Variants in ADAMTS3 observed in about 807,000 individuals in gnomAD.
ADAMTS3 encodes A disintegrin and metalloproteinase with thrombospondin motifs 3.
ADAMTS3 carries 73 observed loss-of-function variants against 129.0 expected under a neutral mutation model. That is an observed-to-expected ratio of 0.57 (90% CI 0.47 to 0.69). ADAMTS3 has a LOEUF of 0.69. Ranked by LOEUF, ADAMTS3 falls within the 30% of genes least tolerant of loss-of-function variation. The pLI, the probability that ADAMTS3 is intolerant of heterozygous loss-of-function variation, is 0.00. For missense variants in ADAMTS3, 1,457 were observed against 1,514.5 expected (o/e 0.96, Z 0.63); for synonymous variants, 477 against 510.8 (o/e 0.93, Z 0.89).
At chr4:72,320,599 G>A in intron 7 of ADAMTS3, 115 bp downstream of exon 7, 2 of 1,070,140 alleles carry the variant, frequency 1.9e-6, no homozygotes, top group Non-Finnish European at 2.7e-6. Context: ...TGCTTGGCCG[G>A]TGTGTGGTGG....
chr4:72,394,304 T>C (rs1721672549), intron 4 of ADAMTS3, among the ~76,000 whole-genome samples: 1 of 151,820 alleles, frequency 6.6e-6, no homozygotes, highest in South Asian at 2.1e-4. Flanking sequence ...TTTGCATCTG[T>C]TTAAATTTTT....
At chr4:72,450,847 A>G (rs1421497552) in intron 3 of ADAMTS3, among the ~76,000 whole-genome samples, 1 of 151,392 alleles carries the variant, frequency 6.6e-6, no homozygotes, top group Non-Finnish European at 1.5e-5. Context: ...CAGCATACCA[A>G]TGATTCCACA....
At chr4:72,361,360 G>A (rs1720723032) in intron 4 of ADAMTS3, among the ~76,000 whole-genome samples, 1 of 152,014 alleles carries the variant, frequency 6.6e-6, no homozygotes, top group African/African-American at 2.4e-5. Flanking sequence ...CTCATAATAT[G>A]TCTTACAAAA....
intron 2 of ADAMTS3, among the ~76,000 whole-genome samples, chr4:72,556,681 G>A (rs145604263): frequency 0.012 from 1,753 of 151,838 alleles, 15 homozygotes; most frequent in Middle Eastern, 0.021. Context: ...ACTGATGCAC[G>A]CTTTGGCATC....
chr4:72,423,594 A>G (rs916162811), intron 3 of ADAMTS3, among the ~76,000 whole-genome samples: 2 of 151,748 alleles, frequency 1.3e-5, no homozygotes, highest in East Asian at 3.9e-4. Flanking sequence ...TTTAGGGTAC[A>G]TGTGCACAAC....
chr4:72,298,507 C>A, intron 17 of ADAMTS3, 65 bp from the exon 18 acceptor site: 1 of 1,265,346 alleles, frequency 7.9e-7, no homozygotes, highest in Non-Finnish European at 1.1e-6. Context: ...TGTAAAATTA[C>A]AAATATTTCA....
intron 3 of ADAMTS3, among the ~76,000 whole-genome samples, chr4:72,477,280 C>T (rs1218397803): frequency 6.6e-6 from 1 of 152,124 alleles, no homozygotes. Flanking sequence ...AAACTGACCA[C>T]ACAGTTGGAA....
chr4:72,535,249 T>C (rs995287985), intron 3 of ADAMTS3, among the ~76,000 whole-genome samples: 12 of 152,094 alleles, frequency 7.9e-5, no homozygotes, highest in African/African-American at 2.9e-4. Context: ...ACCCCAAGAG[T>C]CCAATCACTA....
intron 3 of ADAMTS3, among the ~76,000 whole-genome samples, chr4:72,443,972 A>G (rs1379347620): frequency 1.3e-5 from 2 of 151,708 alleles, no homozygotes; most frequent in East Asian, 3.9e-4. Flanking sequence ...TGGGGCCAAA[A>G]TAAACAGACA....
At chr4:72,563,568 C>T (rs1287989518) in intron 2 of ADAMTS3, among the ~76,000 whole-genome samples, 2 of 152,120 alleles carry the variant, frequency 1.3e-5, no homozygotes, top group East Asian at 1.9e-4. Context: ...TTACCAAATA[C>T]TTATTGAGTA....
Position 72,311,112 on chromosome 4 carries a change from A to T in ADAMTS3, c.1991T>A (p.Val664Glu). The change falls in exon 14 of 22, where the codon GTG becomes GAG. Residue 664 changes from valine (V) to glutamate (E), a missense_variant. Val to Glu is a moderately radical substitution (Grantham distance 121). Coordinates refer to ENST00000286657, the MANE Select transcript of ADAMTS3 (RefSeq NM_014243.3). ...TGDVAYMKQLVHDGTHCSYKD... is the reference protein window; with the variant it reads ...TGDVAYMKQLEHDGTHCSYKD... Reference sequence around the variant, plus strand: ...GTAAGAACAGTGCGTTCCATCATGCACCAGTTGTTTCATGTAAGCAACATC... The same window carrying T: ...GTAAGAACAGTGCGTTCCATCATGCTCCAGTTGTTTCATGTAAGCAACATC... 2 of 1,612,782 alleles carry T rather than the reference A, an allele frequency of 1.2e-6. No individual in the cohort carries two copies. The highest frequency in any genetic ancestry group is 1.7e-6 in the Non-Finnish European group (2 of 1,179,110).
intron 3 of ADAMTS3, among the ~76,000 whole-genome samples, chr4:72,479,824 C>T (rs1719374610): frequency 6.6e-6 from 1 of 152,172 alleles, no homozygotes; most frequent in Non-Finnish European, 1.5e-5. Context: ...CCAGAATCTA[C>T]AATGAACTCA....
At chr4:72,473,820 C>A (rs141683460) in intron 3 of ADAMTS3, among the ~76,000 whole-genome samples, 8 of 152,324 alleles carry the variant, frequency 5.3e-5, no homozygotes, top group African/African-American at 1.7e-4. Flanking sequence ...TTCCCCTCCC[C>A]ACTGGGGTGG....
intron 3 of ADAMTS3, among the ~76,000 whole-genome samples, chr4:72,536,079 A>G (rs1560557099): frequency 6.6e-6 from 1 of 152,206 alleles, no homozygotes; most frequent in Non-Finnish European, 1.5e-5. Flanking sequence ...AGTGCACTAC[A>G]TGGTGGTCAA....
intron 4 of ADAMTS3, among the ~76,000 whole-genome samples, chr4:72,363,751 CTATA>C (rs1289313110): frequency 6.6e-6 from 1 of 151,018 alleles, no homozygotes; most frequent in African/African-American, 2.4e-5. Flanking sequence ...AAAAAAATAC[CTATA>C]TAAAGACTTA....
chr4:72,352,558 A>G (rs1455263950), intron 4 of ADAMTS3, among the ~76,000 whole-genome samples: 2 of 152,018 alleles, frequency 1.3e-5, no homozygotes, highest in Admixed American at 1.3e-4. Flanking sequence ...TGGCTCCTGC[A>G]AACAAACGTG....
At chr4:72,353,172 G>T (rs1433589588) in intron 4 of ADAMTS3, among the ~76,000 whole-genome samples, 1 of 151,926 alleles carries the variant, frequency 6.6e-6, no homozygotes. Flanking sequence ...TGATAACAAA[G>T]AAATTGTAGC....
At chr4:72,533,610 T>G (rs1721102568) in intron 3 of ADAMTS3, among the ~76,000 whole-genome samples, 1 of 151,994 alleles carries the variant, frequency 6.6e-6, no homozygotes, top group South Asian at 2.1e-4. Context: ...CATATGCACA[T>G]ATGTATATAT....
chr4:72,346,864 C>T, intron 4 of ADAMTS3, among the ~76,000 whole-genome samples: 1 of 152,214 alleles, frequency 6.6e-6, no homozygotes, highest in East Asian at 1.9e-4. Flanking sequence ...TCTCACTTTT[C>T]TCCTCTACAC....
Sources: gnomAD v4.1 joint callset for allele counts (sites outside exome capture counted in the v4.1 genomes callset) on GRCh38, gnomAD v4.1.1 for gene constraint, MANE v1.5 for transcripts, NCBI Gene and HGNC (gene_info 2026-07-23, HGNC 2026-07-21) for gene names.